The following RBFOX3 variants were observed in gnomAD, a reference collection of about 807,000 sequenced individuals.
The protein encoded by RBFOX3 is RNA binding fox-1 homolog 3.
In RBFOX3, 17 loss-of-function variants were observed where a neutral mutation model predicts 48.7. That is an observed-to-expected ratio of 0.35 (90% CI 0.24 to 0.52). The LOEUF is 0.52. Ranked by LOEUF, RBFOX3 falls within the 20% of genes least tolerant of loss-of-function variation. The probability of loss-of-function intolerance (pLI) is 0.94; values close to 1 mark genes in which losing one functional copy is unlikely to be tolerated. For missense variants in RBFOX3, 382 were observed against 497.5 expected, an observed-to-expected ratio of 0.77 and a Z score of 2.21; for synonymous variants, 212 against 209.5, an observed-to-expected ratio of 1.01 and a Z score of -0.10.
At chr17:79,115,391 C>T (rs2033625868) in intron 5 of RBFOX3, 103 bp downstream of exon 5, 12 of 699,328 alleles carry the variant, frequency 1.7e-5, no homozygotes, top group East Asian at 1.7e-4. Context: ...CCAGGCCCCT[C>T]GCCCACCTGG....
chr17:79,342,095 C>T (rs1444051114), intron 2 of RBFOX3, among the ~76,000 whole-genome samples: 1 of 152,242 alleles, frequency 6.6e-6, no homozygotes, highest in Non-Finnish European at 1.5e-5. Flanking sequence ...AAGCCATGTG[C>T]TTCCCTCACC....
intron 1 of RBFOX3, among the ~76,000 whole-genome samples, chr17:79,575,096 C>A (rs2092813763): frequency 1.3e-5 from 2 of 152,348 alleles, no homozygotes; most frequent in Admixed American, 1.3e-4. Context: ...CTGAAGGCAG[C>A]CTGGGTATGG....
Position 79,502,127 on chromosome 17 carries a change from G to A in RBFOX3, c.-319-19529C>T, listed in dbSNP as rs903773009. Reference sequence around the variant, plus strand: ...TCAATGTGCTCATCTGAAAAATGGGGCTAATATAACCTATTTACAGGGTCT... The same window carrying A: ...TCAATGTGCTCATCTGAAAAATGGGACTAATATAACCTATTTACAGGGTCT... On this transcript the variant is annotated intron_variant, in intron 1 of 14. Coordinates refer to ENST00000693108, the MANE Select transcript of RBFOX3 (RefSeq NM_001350451.2). Among the ~76,000 whole-genome samples, 9 of 152,280 alleles carry A rather than the reference G, an allele frequency of 5.9e-5. No homozygotes were observed. The South Asian group carries it at 1.9e-3, about 32-fold the overall frequency.
chr17:79,279,477 C>CCGGCA (rs1392603534), intron 3 of RBFOX3, among the ~76,000 whole-genome samples: 1 of 152,136 alleles, frequency 6.6e-6, no homozygotes, highest in African/African-American at 2.4e-5. Flanking sequence ...ATGGCCCGGC[C>CCGGCA]CGGCACGGTA....
chr17:79,136,573 C>T (rs2143764012), intron 4 of RBFOX3, among the ~76,000 whole-genome samples: 1 of 152,274 alleles, frequency 6.6e-6, no homozygotes, highest in South Asian at 2.1e-4. Context: ...CTCAACTTTC[C>T]AGGCACTGGG....
intron 1 of RBFOX3, among the ~76,000 whole-genome samples, chr17:79,502,836 A>T (rs2082563831): frequency 6.6e-6 from 1 of 152,182 alleles, no homozygotes; most frequent in Admixed American, 6.5e-5. Flanking sequence ...ACGGGGTTCC[A>T]GCAGGCTTGC....
At chr17:79,645,545 C>T in the RBFOX3 span, among the ~76,000 whole-genome samples, 2 of 152,290 alleles carry the variant, frequency 1.3e-5, no homozygotes, top group Admixed American at 1.3e-4. Context: ...TTCCAGCTGC[C>T]CCTTCTCTCC....
intron 1 of RBFOX3, among the ~76,000 whole-genome samples, chr17:79,528,839 G>A (rs528480078): frequency 6.3e-4 from 96 of 152,232 alleles, no homozygotes; most frequent in South Asian, 1.5e-3. Flanking sequence ...CCCTCCCCTC[G>A]CAGGGGATGA....
intron 1 of RBFOX3, among the ~76,000 whole-genome samples, chr17:79,556,844 G>A (rs976211683): frequency 2.6e-5 from 4 of 152,136 alleles, no homozygotes; most frequent in Non-Finnish European, 4.4e-5. Context: ...CAGAATCAAG[G>A]ACTCCTCACT....
At position 79,095,502 on chromosome 17, in the gene RBFOX3, C is replaced by G; in HGVS notation, c.998+11G>C. On this transcript the variant is annotated intron_variant, in intron 13 of 14. Coordinates refer to ENST00000693108, the MANE Select transcript of RBFOX3 (RefSeq NM_001350451.2). Reference sequence around the variant, plus strand: ...ACCCTGCTCCAGAACAGTGCTGGCCCCCGGCCTCACCTGTCGCTGTAGGCT... The same window carrying G: ...ACCCTGCTCCAGAACAGTGCTGGCCGCCGGCCTCACCTGTCGCTGTAGGCT... The G allele has an allele frequency of 1.3e-6, 2 of 1,550,922 alleles. No homozygotes were observed. The highest frequency in any genetic ancestry group is 8.7e-7 in the Non-Finnish European group (1 of 1,146,466).
At position 79,195,474 on chromosome 17, in the gene RBFOX3, G is replaced by A. The variant is rs1368766896; in HGVS notation, c.-34+40292C>T. On this transcript the variant is annotated intron_variant, in intron 4 of 14. Transcript: ENST00000693108. The surrounding 1 kb of genome is among the most constrained non-coding windows in gnomAD (Gnocchi z 5.3). ...GTCTCTTCTTAGAGTAAGGCCGCAC[G>A]CAAGTCTGTGTGGGCAGGAAGCCTG... Among the ~76,000 whole-genome samples, 2 of 152,006 alleles carry A rather than the reference G, an allele frequency of 1.3e-5. No homozygotes were observed. Among genetic ancestry groups the A allele is most frequent in the East Asian group, 1.9e-4 (1 of 5,194 alleles).
At chr17:79,605,477 C>T (rs2085268085) in intron 1 of RBFOX3, among the ~76,000 whole-genome samples, 1 of 152,100 alleles carries the variant, frequency 6.6e-6, no homozygotes, top group Non-Finnish European at 1.5e-5. Flanking sequence ...GGGCTCACCT[C>T]CCCAAATATG....
chr17:79,302,023 T>C (rs753629380), intron 3 of RBFOX3, among the ~76,000 whole-genome samples: 84 of 152,070 alleles, frequency 5.5e-4, no homozygotes, highest in Non-Finnish European at 1.1e-3. Context: ...AGATGAAGAG[T>C]TCAGGAGACA....
intron 14 of RBFOX3, 44 bp from the exon 15 acceptor site, chr17:79,090,929 A>T: frequency 6.6e-7 from 1 of 1,526,600 alleles, no homozygotes; most frequent in South Asian, 1.2e-5. Flanking sequence ...TTCTCGGGGG[A>T]GGCACAGCAG....
chr17:79,157,706 G>A (rs575423902), intron 4 of RBFOX3, among the ~76,000 whole-genome samples: 1 of 152,240 alleles, frequency 6.6e-6, no homozygotes, highest in Admixed American at 6.5e-5. Flanking sequence ...TCCCTCCCAG[G>A]CCCACGCTGT....
chr17:79,640,086 C>G, the RBFOX3 span, among the ~76,000 whole-genome samples: 1 of 152,012 alleles, frequency 6.6e-6, no homozygotes, highest in African/African-American at 2.4e-5. Context: ...AACTCAACAA[C>G]CAAAAAACTG....
chr17:79,217,390 C>A (rs1265292337), intron 4 of RBFOX3, among the ~76,000 whole-genome samples: 2 of 152,204 alleles, frequency 1.3e-5, no homozygotes, highest in African/African-American at 4.8e-5. Flanking sequence ...ATACCCCTGG[C>A]CAGGTCCCAT....
intron 2 of RBFOX3, among the ~76,000 whole-genome samples, chr17:79,388,971 A>C (rs2060964680): frequency 6.6e-6 from 1 of 152,148 alleles, no homozygotes; most frequent in South Asian, 2.1e-4. Context: ...CTTGCCTCTC[A>C]GCTTCCTTCG....
chr17:79,345,898 T>C (rs2082833783), intron 2 of RBFOX3, among the ~76,000 whole-genome samples: 2 of 152,174 alleles, frequency 1.3e-5, no homozygotes, highest in African/African-American at 4.8e-5. Context: ...TAAGACATTT[T>C]CCTCTATGAG....
Sources: allele counts gnomAD v4.1 joint callset (sites outside exome capture counted in the v4.1 genomes callset), GRCh38; gene constraint gnomAD v4.1.1; non-coding constraint Gnocchi (gnomAD v3.1); transcripts MANE v1.5; gene names NCBI Gene and HGNC (gene_info 2026-07-23, HGNC 2026-07-21).